Variants in CAMKMT observed in about 807,000 individuals in gnomAD.
CAMKMT encodes the protein calmodulin-lysine N-methyltransferase.
A neutral mutation model predicts 48.0 loss-of-function variants in CAMKMT; 53 were observed. That is an observed-to-expected ratio of 1.10 (90% confidence interval 0.89 to 1.39). CAMKMT has a LOEUF of 1.39. Ranked by LOEUF, CAMKMT falls within the 40% of genes most tolerant of loss-of-function variation. The pLI is 0.00. For synonymous variants in CAMKMT, 165 were observed against 152.3 expected, an observed-to-expected ratio of 1.08 and a Z score of -0.61; for missense variants, 428 against 402.7, an observed-to-expected ratio of 1.06 and a Z score of -0.54.
intron 3 of CAMKMT, among the ~76,000 whole-genome samples, chr2:44,515,680 G>A (rs1337682069): frequency 6.6e-6 from 1 of 152,220 alleles, no homozygotes; most frequent in Admixed American, 6.5e-5. Flanking sequence ...GAAATTCTGA[G>A]TTTAAAGCTA....
chr2:44,641,459 C>G (rs1221929196), intron 3 of CAMKMT, among the ~76,000 whole-genome samples: 6 of 151,942 alleles, frequency 3.9e-5, no homozygotes, highest in African/African-American at 7.3e-5. Context: ...CAACCCCAGA[C>G]CTAAGGCAGT....
intron 3 of CAMKMT, among the ~76,000 whole-genome samples, chr2:44,446,877 C>A (rs1441884007): frequency 2.0e-5 from 3 of 152,180 alleles, no homozygotes; most frequent in African/African-American, 7.2e-5. Flanking sequence ...GTGTCATTAC[C>A]TTTGTTGTTG....
intron 3 of CAMKMT, among the ~76,000 whole-genome samples, chr2:44,464,852 A>G (rs557188270): frequency 2.6e-5 from 4 of 152,324 alleles, no homozygotes; most frequent in South Asian, 4.1e-4. Flanking sequence ...TCAAGTTGAA[A>G]CAAAAGGATG....
intron 3 of CAMKMT, among the ~76,000 whole-genome samples, chr2:44,623,943 A>G (rs1672337120): frequency 6.6e-6 from 1 of 152,096 alleles, no homozygotes; most frequent in Admixed American, 6.5e-5. Flanking sequence ...ATTTTTTGAG[A>G]TTCATTCATG....
Position 44,719,154 on chromosome 2 carries a change from CAG to C in CAMKMT, c.623+3803_623+3804del, listed in dbSNP as rs141901375. Among the ~76,000 whole-genome samples the C allele has an allele frequency of 1.6e-3, 250 of 152,272 alleles. 1 individual carries two copies. Among genetic ancestry groups the C allele is most frequent in the African/African-American group, 5.5e-3 (227 of 41,572 alleles). On this transcript the variant is annotated intron_variant, in intron 7 of 10. Transcript: ENST00000378494. ...CCCTGGACCCCTCACTTGCCTCCGACAGATATGATCTCTCCATCTCTAGTCTT... is the reference window on the plus strand; with the variant it reads ...CCCTGGACCCCTCACTTGCCTCCGACATATGATCTCTCCATCTCTAGTCTT...
intron 3 of CAMKMT, among the ~76,000 whole-genome samples, chr2:44,424,849 C>G (rs987019356): frequency 1.3e-5 from 2 of 152,098 alleles, no homozygotes; most frequent in South Asian, 4.1e-4. Context: ...CAAAATCTCA[C>G]AAACCACCAC....
At chr2:44,765,496 T>C (rs1404023901) in intron 9 of CAMKMT, among the ~76,000 whole-genome samples, 2 of 149,660 alleles carry the variant, frequency 1.3e-5, no homozygotes, top group Non-Finnish European at 3.0e-5. Context: ...ACCTTGAGAG[T>C]AACAGAAGCA....
chr2:44,368,438 A>T (rs1572642739), intron 1 of CAMKMT, among the ~76,000 whole-genome samples: 1 of 152,342 alleles, frequency 6.6e-6, no homozygotes, highest in East Asian at 1.9e-4. Flanking sequence ...CCTAACATGG[A>T]TTATATAAAT....
intron 3 of CAMKMT, among the ~76,000 whole-genome samples, chr2:44,591,307 T>G (rs1344242579): frequency 6.6e-6 from 1 of 152,214 alleles, no homozygotes; most frequent in Non-Finnish European, 1.5e-5. Flanking sequence ...ATTGGTAGCT[T>G]GATGGGGTTG....
chr2:44,640,713 A>T (rs1673403899), intron 3 of CAMKMT, among the ~76,000 whole-genome samples: 1 of 152,322 alleles, frequency 6.6e-6, no homozygotes, highest in South Asian at 2.1e-4. Context: ...TAATGTCGTT[A>T]TTCAACCAAG....
intron 3 of CAMKMT, chr2:44,395,116 A>G (rs1304596084): frequency 2.7e-6 from 1 of 374,500 alleles, no homozygotes; most frequent in African/African-American, 2.1e-5. Context: ...ATATGGTCTA[A>G]ATTTTTAGTT....
intron 3 of CAMKMT, among the ~76,000 whole-genome samples, chr2:44,402,424 T>C (rs1392708768): frequency 1.3e-5 from 2 of 151,968 alleles, no homozygotes; most frequent in Non-Finnish European, 2.9e-5. Context: ...ATTTGAGTAG[T>C]CCAATGCTAT....
At chr2:44,441,560 G>C (rs1330167118) in intron 3 of CAMKMT, among the ~76,000 whole-genome samples, 1 of 152,036 alleles carries the variant, frequency 6.6e-6, no homozygotes, top group East Asian at 1.9e-4. Context: ...CTTAGGGTAG[G>C]GTTAACTATC....
intron 3 of CAMKMT, among the ~76,000 whole-genome samples, chr2:44,592,667 A>G (rs1311755556): frequency 6.6e-6 from 1 of 152,216 alleles, no homozygotes; most frequent in Admixed American, 6.5e-5. Context: ...GTATGTAAGT[A>G]TAGGAAAAAA....
intron 3 of CAMKMT, among the ~76,000 whole-genome samples, chr2:44,540,159 CATATATAT>C (rs34285842): frequency 6.7e-6 from 1 of 149,764 alleles, no homozygotes; most frequent in Non-Finnish European, 1.5e-5. Context: ...TATGTATATA[CATATATAT>C]ATATGTACAT....
At chr2:44,467,953 T>A (rs1334828271) in intron 3 of CAMKMT, among the ~76,000 whole-genome samples, 1 of 152,108 alleles carries the variant, frequency 6.6e-6, no homozygotes, top group Admixed American at 6.5e-5. Flanking sequence ...GGGCAAAGAT[T>A]TTATGGCTAA....
chr2:44,585,003 C>T (rs529930751), intron 3 of CAMKMT, among the ~76,000 whole-genome samples: 117 of 151,200 alleles, frequency 7.7e-4, no homozygotes, highest in African/African-American at 2.7e-3. Flanking sequence ...TGCAGTGAGC[C>T]GAGATCGCAC....
chr2:44,416,610 G>T (rs1683570983), intron 3 of CAMKMT, among the ~76,000 whole-genome samples: 1 of 109,518 alleles, frequency 9.1e-6, no homozygotes, highest in East Asian at 2.7e-4. Flanking sequence ...GTCTTGCTCT[G>T]TCGCCTAGGC....
chr2:44,426,471 A>G (rs1383827448), intron 3 of CAMKMT, among the ~76,000 whole-genome samples: 1 of 152,212 alleles, frequency 6.6e-6, no homozygotes, highest in Non-Finnish European at 1.5e-5. Context: ...CCTAGACCTG[A>G]TAAATGACTT....
Sources: allele counts gnomAD v4.1 joint callset (sites outside exome capture counted in the v4.1 genomes callset), GRCh38; gene constraint gnomAD v4.1.1; transcripts MANE v1.5; gene names NCBI Gene and HGNC (gene_info 2026-07-23, HGNC 2026-07-21).